KRTAP5-10: variants seen among roughly 807,000 people sequenced by gnomAD.
KRTAP5-10 encodes keratin associated protein 5-10, also known as keratin-associated protein 5-10.
KRTAP5-10 carries 1 observed loss-of-function variant against 1.6 expected under a neutral mutation model. The ratio of observed to expected loss-of-function variants is 0.64; its 90% CI spans 0.23 to 3.04. The LOEUF (loss-of-function observed/expected upper bound fraction) is 3.04. Among genes scored for constraint, KRTAP5-10 ranks in the 30% most tolerant of loss-of-function variants. The probability of loss-of-function intolerance (pLI) is 0.21; values close to 1 mark genes in which losing one functional copy is unlikely to be tolerated. For synonymous variants in KRTAP5-10, 76 were observed against 102.0 expected (o/e 0.75, Z 1.54); for missense variants, 219 against 255.2 (o/e 0.86, Z 0.97).
Position 71,565,672 on chromosome 11 carries a change from G to T in KRTAP5-10, c.85G>T (p.Gly29Trp). Residue 29 changes from glycine to tryptophan, a missense_variant, in exon 1 of 1, where the codon GGG becomes TGG. Transcript: ENST00000398531. ...SGCGGCGSGCGGYGSGCGGCG... is the reference protein window; with the variant it reads ...SGCGGCGSGCWGYGSGCGGCG... ...CTGTGGGGGCTGTGGCTCCGGCTGT[G>T]GGGGCTATGGCTCTGGCTGTGGGGG... is the stretch of plus-strand genomic sequence containing the variant. The T allele has an allele frequency of 6.3e-7, 1 of 1,599,594 alleles. No homozygotes were observed. The highest frequency in any genetic ancestry group is 8.5e-7 in the Non-Finnish European group (1 of 1,172,950).
chr11:71,566,603 G>A lies in KRTAP5-10; in HGVS notation c.*407G>A, dbSNP rs1044297153. 6 of 65,646 alleles carry A rather than the reference G, an allele frequency of 9.1e-5. No homozygotes were observed. The highest frequency in any genetic ancestry group is 6.8e-4 in the East Asian group (1 of 1,480). 4.1% of individuals were successfully genotyped at this position (65,646 alleles called of 1,614,324 possible). On this transcript the variant is annotated 3_prime_UTR_variant, in exon 1 of 1. Transcript: ENST00000398531. ...TTGGGACCCTGGATCCTCCAGGGCC[G>A]CTCGCTGCCTGTTCTCCAGTGGCCA...
In KRTAP5-10 at chr11:71,565,739, C is replaced by G. The variant is rs374694710; in HGVS notation, c.152C>G (p.Pro51Arg). Residue 51 changes from proline to arginine, a missense_variant, in exon 1 of 1, where the codon CCC (proline) becomes CGC (arginine). By Grantham distance (103) the Pro-to-Arg change is moderately radical. Around this residue, in one of 3 missense-constraint regions of KRTAP5-10, gnomAD observed 92 missense variants for 108.8 expected, o/e 0.85. Transcript: ENST00000398531. The part of the protein sequence containing the change: ...SCCVPVCCCK[P>R]VCCCVPACSC... ...TGTGTGCCCGTCTGCTGCTGCAAGC[C>G]CGTGTGCTGCTGTGTGCCAGCCTGT... is the stretch of plus-strand genomic sequence containing the variant. The G allele has an allele frequency of 9.1e-5, 146 of 1,608,706 alleles. No homozygotes were observed. Among genetic ancestry groups the G allele is most frequent in the Middle Eastern group, 2.0e-4 (1 of 5,048 alleles).
rs117660730 is a variant in KRTAP5-10 at position 71,566,485 on chromosome 11, T to G, written c.*289T>G. On this transcript the variant is annotated 3_prime_UTR_variant, in exon 1 of 1. Transcript: ENST00000398531. ...CACTTGGGTGTGGACCATCTTCTTC[T>G]TCTCCCTCGGCTGACTGAGATGCAA... 3.8e-6 allele frequency: 2 copies of G among 528,170 alleles called. No homozygotes were observed. Among genetic ancestry groups the G allele is most frequent in the Admixed American group, 3.3e-5 (1 of 30,684 alleles). 32.7% of individuals were successfully genotyped at this position (528,170 alleles called of 1,614,324 possible). A position where few individuals can be genotyped will look rare whatever the true frequency, so the allele number is the denominator to read the frequency against.
At position 71,565,703 on chromosome 11, in the gene KRTAP5-10, G is replaced by C; in HGVS notation, c.116G>C (p.Gly39Ala). ...GGYGSGCGGCGSSCCVPVCCC... is the reference protein window; with the variant it reads ...GGYGSGCGGCASSCCVPVCCC... ...TATGGCTCTGGCTGTGGGGGCTGTG[G>C]CTCCAGCTGCTGTGTGCCCGTCTGC... is the stretch of plus-strand genomic sequence containing the variant. Residue 39 changes from glycine to alanine, a missense_variant, in exon 1 of 1, where the codon GGC becomes GCC. By Grantham distance (60) the Gly-to-Ala change is moderately conservative. Coordinates refer to ENST00000398531, the MANE Select transcript of KRTAP5-10 (RefSeq NM_001012710.2). 6.2e-7 allele frequency: 1 copy of C among 1,610,888 alleles called. No individual in the cohort carries two copies. Among genetic ancestry groups the C allele is most frequent in the Non-Finnish European group, 8.5e-7 (1 of 1,179,266 alleles).
chr11:71,566,325 G>C lies in KRTAP5-10; in HGVS notation c.*129G>C. The C allele has an allele frequency of 7.2e-7, 1 of 1,393,756 alleles. No individual in the cohort carries two copies. Among genetic ancestry groups the C allele is most frequent in the Non-Finnish European group, 1.0e-6 (1 of 1,004,874 alleles). 86.3% of individuals were successfully genotyped at this position (1,393,756 alleles called of 1,614,324 possible). On this transcript the variant is annotated 3_prime_UTR_variant, in exon 1 of 1. Coordinates refer to ENST00000398531, the MANE Select transcript of KRTAP5-10 (RefSeq NM_001012710.2). Reference sequence around the variant, plus strand: ...CTTCTCCAGCTCATCATCCATGCACGCACCTCCTTCCATGGCTCAGCTCTC... The same window carrying C: ...CTTCTCCAGCTCATCATCCATGCACCCACCTCCTTCCATGGCTCAGCTCTC...
Position 71,565,583 on chromosome 11 carries a change from G to A in KRTAP5-10, c.-5G>A. On this transcript the variant is annotated 5_prime_UTR_variant, in exon 1 of 1. Transcript: ENST00000398531. ...TACCTGATCCACCCTCAATCTACCA[G>A]AATCATGGGCTGCTGTGGCTGCTCC... is the stretch of plus-strand genomic sequence containing the variant. 6.2e-7 allele frequency: 1 copy of A among 1,612,780 alleles called. No homozygotes were observed.
Position 71,566,566 on chromosome 11 carries a change from T to C in KRTAP5-10, c.*370T>C, listed in dbSNP as rs1950192720. 1 of 305,864 alleles carries C rather than the reference T, an allele frequency of 3.3e-6. No homozygotes were observed. The highest frequency in any genetic ancestry group is 6.4e-6 in the Non-Finnish European group (1 of 155,598). 18.9% of individuals were successfully genotyped at this position (305,864 alleles called of 1,614,324 possible). ...GCTCAGTGATCACTAAGAACCAGCT[T>C]CTCAACCACCATTGGGACCCTGGAT... On this transcript the variant is annotated 3_prime_UTR_variant, in exon 1 of 1. Coordinates refer to ENST00000398531, the MANE Select transcript of KRTAP5-10 (RefSeq NM_001012710.2).
Sources: gnomAD v4.1 joint callset for allele counts on GRCh38, gnomAD v4.1.1 for gene constraint, gnomAD v4.1.1 regional missense constraint, MANE v1.5 for transcripts, NCBI Gene and HGNC (gene_info 2026-07-23, HGNC 2026-07-21) for gene names.